SRSF1: variants seen among roughly 807,000 people sequenced by gnomAD.
SRSF1 encodes the protein serine and arginine rich splicing factor 1, also known as serine/arginine-rich splicing factor 1.
In SRSF1, 1 loss-of-function variant was observed where a neutral mutation model predicts 25.9. That is an observed-to-expected ratio of 0.04 (90% CI 0.01 to 0.18). The LOEUF (loss-of-function observed/expected upper bound fraction) is 0.18, where lower values mean the gene tolerates loss of function less well. SRSF1 is among the 10% of genes least tolerant of loss of function. SRSF1 has a pLI of 1.00. For missense variants in SRSF1, 65 were observed against 350.5 expected (o/e 0.19, Z 6.50); for synonymous variants, 132 against 126.2 (o/e 1.05, Z -0.31).
rs1264829037 is a variant in SRSF1 at position 58,001,116 on chromosome 17, A to G, written c.*4290T>C. On this transcript the variant is annotated 3_prime_UTR_variant, in exon 4 of 4. Coordinates refer to ENST00000258962, the MANE Select transcript of SRSF1 (RefSeq NM_006924.5). ...CTCATCTTTTAATACTATTTATGGT[A>G]AATACATATATATAACTTACTTGCA... 6.6e-6 allele frequency among the ~76,000 whole-genome samples: 1 copy of G among 152,204 alleles called. No individual in the cohort carries two copies. The highest frequency in any genetic ancestry group is 6.5e-5 in the Admixed American group (1 of 15,274).
chr17:58,005,775 A>G lies in SRSF1; in HGVS notation c.552+26T>C. 2 of 1,614,196 alleles carry G rather than the reference A, an allele frequency of 1.2e-6. No individual in the cohort carries two copies. The highest frequency in any genetic ancestry group is 1.7e-6 in the Non-Finnish European group (2 of 1,180,030). On this transcript the variant is annotated intron_variant, in intron 3 of 3. Transcript: ENST00000258962. This position sits in a 1 kb window ranked among gnomAD's most constrained non-coding sequence, Gnocchi z 5.2. ...AGACCACTGTATCCAATTCTGGTCAAAGAAAAGAATACGTGTATAACCTAC... is the reference window on the plus strand; with the variant it reads ...AGACCACTGTATCCAATTCTGGTCAGAGAAAAGAATACGTGTATAACCTAC...
chr17:57,992,035 T>C, the SRSF1 span: 1 of 152,202 alleles, frequency 6.6e-6, no homozygotes, highest in Admixed American at 6.5e-5. Flanking sequence ...AATCCAAGAC[T>C]TCAAAAATGA....
chr17:57,989,805 G>A, the SRSF1 span: 4 of 398,630 alleles, frequency 1.0e-5, no homozygotes, highest in African/African-American at 2.1e-5. Flanking sequence ...GCCTAAGATA[G>A]GAGGGGACAG....
chr17:57,996,758 G>A (rs140871121), downstream of SRSF1, among the ~76,000 whole-genome samples: 1 of 152,128 alleles, frequency 6.6e-6, no homozygotes, highest in African/African-American at 2.4e-5. Context: ...TAAAATGTAT[G>A]GATGCTGGGT....
chr17:57,989,888 C>T, the SRSF1 span: 2 of 397,182 alleles, frequency 5.0e-6, no homozygotes, highest in South Asian at 1.4e-4. Flanking sequence ...CCTGTAATGT[C>T]CAAACCTAAG....
intron 2 of SRSF1, 48 bp downstream of exon 2, chr17:58,006,295 A>C (rs1407132247): frequency 1.1e-5 from 17 of 1,542,676 alleles, no homozygotes; most frequent in Middle Eastern, 1.7e-4. Context: ...GAAAAATTTT[A>C]GGTAGTTTTC....
At chr17:57,989,789 C>G in the SRSF1 span, 1 of 398,554 alleles carries the variant, frequency 2.5e-6, no homozygotes. Context: ...ATCAGGGAAC[C>G]GGTCAGCCTA....
At chr17:57,990,723 G>A in the SRSF1 span, 1 of 152,164 alleles carries the variant, frequency 6.6e-6, no homozygotes, top group Non-Finnish European at 1.5e-5. Flanking sequence ...TTCGGTGAGT[G>A]AGTAAATGGT....
downstream of SRSF1, among the ~76,000 whole-genome samples, chr17:57,996,013 T>A (rs948449405): frequency 6.6e-6 from 1 of 152,150 alleles, no homozygotes; most frequent in Middle Eastern, 3.4e-3. Context: ...GTATAAACCT[T>A]TGAGGTTACT....
Position 58,005,330 on chromosome 17 carries a change from A to G in SRSF1, c.*76T>C. The G allele has an allele frequency of 6.6e-7, 1 of 1,515,760 alleles. No individual in the cohort carries two copies. Among genetic ancestry groups the G allele is most frequent in the Non-Finnish European group, 9.0e-7 (1 of 1,110,036 alleles). 93.9% of individuals were successfully genotyped at this position (1,515,760 alleles called of 1,614,324 possible). A position where few individuals can be genotyped will look rare whatever the true frequency, so the allele number is the denominator to read the frequency against. ...CATTCTGAACAAAACAGTTTGAATT[A>G]AAAAATGAAAAGATTGTACTGAATA... On this transcript the variant is annotated 3_prime_UTR_variant, in exon 4 of 4. Transcript: ENST00000258962. The surrounding 1 kb of genome is among the most constrained non-coding windows in gnomAD (Gnocchi z 5.2).
chr17:57,989,180 G>C, the SRSF1 span: 2 of 398,598 alleles, frequency 5.0e-6, no homozygotes, highest in Non-Finnish European at 8.8e-6. Context: ...CTTCCGTGTA[G>C]GCGTCACTGC....
rs972789880 is a variant in SRSF1 at position 58,007,215 on chromosome 17, C to A, written c.-78G>T. The A allele has an allele frequency of 2.6e-6, 4 of 1,542,988 alleles. No individual in the cohort carries two copies. The highest frequency in any genetic ancestry group is 1.8e-5 in the Admixed American group (1 of 57,008). On this transcript the variant is annotated 5_prime_UTR_variant, in exon 1 of 4. Transcript: ENST00000258962. ...GCACGGCAGAGCGAGCCCGCAGCGG[C>A]ACCACGTCTCCCGCGGCCCCTCCAA...
intron 1 of SRSF1, chr17:58,006,743 T>G (rs2075431698): frequency 2.3e-6 from 2 of 878,672 alleles, no homozygotes; most frequent in Non-Finnish European, 1.7e-6. Context: ...AGCCTGCGAA[T>G]GGGCTCCGGG....
At chr17:58,006,228 A>G (rs1198398010) in intron 2 of SRSF1, 115 bp downstream of exon 2, 2 of 1,323,912 alleles carry the variant, frequency 1.5e-6, no homozygotes, top group African/African-American at 2.9e-5. Flanking sequence ...CCCAAAAACT[A>G]AAGCAATTTA....
At chr17:57,997,095 T>A (rs1183241232), downstream of SRSF1, among the ~76,000 whole-genome samples, 2 of 152,150 alleles carry the variant, frequency 1.3e-5, no homozygotes, top group East Asian at 3.9e-4. Flanking sequence ...GGCAACTATT[T>A]AGTCTTTTTG....
Position 58,007,190 on chromosome 17 carries a change from G to A in SRSF1, c.-53C>T, listed in dbSNP as rs1275274039. On this transcript the variant is annotated 5_prime_UTR_variant, in exon 1 of 4. Transcript: ENST00000258962. ...AACAGGCCTTCCCACCAAGCCTAGC[G>A]CACGGCAGAGCGAGCCCGCAGCGGC... 2.5e-6 allele frequency: 4 copies of A among 1,596,024 alleles called. No homozygotes were observed. The highest frequency in any genetic ancestry group is 2.2e-5 in the South Asian group (2 of 90,154).
At chr17:57,991,279 T>C in the SRSF1 span, 1 of 152,204 alleles carries the variant, frequency 6.6e-6, no homozygotes, top group African/African-American at 2.4e-5. Context: ...CCTTCCTCAT[T>C]TGGAGAGAAT....
At chr17:57,999,622 C>T (rs2075378122), downstream of SRSF1, among the ~76,000 whole-genome samples, 1 of 152,166 alleles carries the variant, frequency 6.6e-6, no homozygotes, top group Admixed American at 6.5e-5. Flanking sequence ...CTGGTCTCTA[C>T]TTTGTTCTAT....
Position 58,005,773 on chromosome 17 carries a change from C to A in SRSF1, c.552+28G>T. ...TAAGACCACTGTATCCAATTCTGGT[C>A]AAAGAAAAGAATACGTGTATAACCT... On this transcript the variant is annotated intron_variant, in intron 3 of 3. Transcript: ENST00000258962. This position sits in a 1 kb window ranked among gnomAD's most constrained non-coding sequence, Gnocchi z 5.2. 6.2e-7 allele frequency: 1 copy of A among 1,614,058 alleles called. No individual in the cohort carries two copies. The highest frequency in any genetic ancestry group is 1.1e-5 in the South Asian group (1 of 91,022).
Sources: gnomAD v4.1 joint callset for allele counts (sites outside exome capture counted in the v4.1 genomes callset) on GRCh38, gnomAD v4.1.1 for gene constraint, Gnocchi (gnomAD v3.1) non-coding constraint, MANE v1.5 for transcripts, NCBI Gene and HGNC (gene_info 2026-07-23, HGNC 2026-07-21) for gene names.